MTERF3: variants seen among roughly 807,000 people sequenced by gnomAD.
MTERF3 encodes the protein transcription termination factor 3, mitochondrial.
MTERF3 carries 40 observed loss-of-function variants against 40.5 expected under a neutral mutation model. That is an observed-to-expected ratio of 0.99 (90% CI 0.77 to 1.29). The LOEUF is 1.29. MTERF3 is among the 50% of genes most tolerant of loss of function. The pLI is 0.00. For synonymous variants in MTERF3, 158 were observed against 166.6 expected, an observed-to-expected ratio of 0.95 and a Z score of 0.40; for missense variants, 452 against 478.2, an observed-to-expected ratio of 0.95 and a Z score of 0.51.
At chr8:96,250,677 GAA>G (rs1586169066) in intron 4 of MTERF3, among the ~76,000 whole-genome samples, 4 of 53,012 alleles carry the variant, frequency 7.5e-5, no homozygotes, top group African/African-American at 2.4e-4. Context: ...AGAAGAAGAA[GAA>G]GAAGGAGGAG....
intron 3 of MTERF3, among the ~76,000 whole-genome samples, chr8:96,256,356 C>T (rs548466194): frequency 9.2e-5 from 14 of 152,258 alleles, no homozygotes; most frequent in Admixed American, 5.9e-4. Context: ...AAATGAAATA[C>T]ATCATCTGAT....
At chr8:96,250,539 CATCTCTCCTAAA>C (rs1810118390) in intron 4 of MTERF3, among the ~76,000 whole-genome samples, 1 of 141,510 alleles carries the variant, frequency 7.1e-6, no homozygotes, top group South Asian at 2.2e-4. Flanking sequence ...GGCGAAACCC[CATCTCTCCTAAA>C]AATACAAAAA....
chr8:96,258,955 A>G (rs1810332404), intron 1 of MTERF3, among the ~76,000 whole-genome samples: 1 of 152,208 alleles, frequency 6.6e-6, no homozygotes, highest in Non-Finnish European at 1.5e-5. Context: ...ACAATTTAAA[A>G]ACAAAATGCA....
At chr8:96,259,913 A>ATTTTTTTT (rs962074104) in intron 1 of MTERF3, among the ~76,000 whole-genome samples, 82 of 150,474 alleles carry the variant, frequency 5.4e-4, no homozygotes, top group African/African-American at 1.9e-3. Context: ...TATTATTATT[A>ATTTTTTTT]TTTTTTTTGA....
At chr8:96,254,706 T>C (rs367993548) in intron 3 of MTERF3, among the ~76,000 whole-genome samples, 28 of 152,352 alleles carry the variant, frequency 1.8e-4, no homozygotes, top group African/African-American at 6.5e-4. Context: ...GTGGGACTTA[T>C]CACTTTGCTC....
chr8:96,258,827 T>C (rs769600901), intron 1 of MTERF3, 127 bp from the exon 2 acceptor site: 15 of 704,046 alleles, frequency 2.1e-5, no homozygotes, highest in Non-Finnish European at 3.3e-5. Context: ...TGTTTAAATA[T>C]ATATTTAGTC....
intron 3 of MTERF3, among the ~76,000 whole-genome samples, chr8:96,253,332 T>C (rs1170721845): frequency 6.6e-6 from 1 of 152,126 alleles, no homozygotes; most frequent in East Asian, 1.9e-4. Flanking sequence ...TCAAGAGTGC[T>C]GTTGTCATGG....
chr8:96,250,259 A>G (rs1439818508), intron 4 of MTERF3, among the ~76,000 whole-genome samples: 1 of 152,096 alleles, frequency 6.6e-6, no homozygotes, highest in Non-Finnish European at 1.5e-5. Context: ...TGGCCAGACA[A>G]AAACTACAAA....
At position 96,251,021 on chromosome 8, in the gene MTERF3, T is replaced by A; in HGVS notation, c.562A>T (p.Ile188Phe). The change falls in exon 4 of 8, where the codon ATT (isoleucine) becomes TTT (phenylalanine). Residue 188 changes from isoleucine (I) to phenylalanine (F), a missense_variant. Physicochemically the swap from Ile to Phe is conservative, Grantham distance 21. Coordinates refer to ENST00000287025, the MANE Select transcript of MTERF3 (RefSeq NM_015942.5). ...TTAAGAAACAGAAGCATTTGCTTAA[T>A]GTCTTTTTCAAAATCCAGTCTCAGA... Reference protein sequence around the residue: ...LLLRLDFEKDIKQMLLFLKDV... With the variant: ...LLLRLDFEKDFKQMLLFLKDV... 1 of 1,605,694 alleles carries A rather than the reference T, an allele frequency of 6.2e-7. No individual in the cohort carries two copies. Among genetic ancestry groups the A allele is most frequent in the East Asian group, 2.2e-5 (1 of 44,556 alleles).
At chr8:96,259,963 G>A (rs1312438722) in intron 1 of MTERF3, among the ~76,000 whole-genome samples, 1 of 151,614 alleles carries the variant, frequency 6.6e-6, no homozygotes, top group African/African-American at 2.4e-5. Flanking sequence ...GGAGTACAAC[G>A]GCACCATCTT....
intron 4 of MTERF3, among the ~76,000 whole-genome samples, chr8:96,247,221 C>T (rs1810037918): frequency 6.6e-6 from 1 of 152,144 alleles, no homozygotes; most frequent in Non-Finnish European, 1.5e-5. Context: ...GATCCGCCCA[C>T]CTCAGCCTCC....
At chr8:96,243,894 C>G (rs1809973125) in intron 7 of MTERF3, 25 bp downstream of exon 7, 17 of 1,610,402 alleles carry the variant, frequency 1.1e-5, no homozygotes, top group Non-Finnish European at 1.2e-5. Flanking sequence ...GCAGCGCTTA[C>G]AGAGAGAGCT....
rs146216177 is a variant in MTERF3 at position 96,248,103 on chromosome 8, A to G, written c.678-1649T>C. ...CTGTAAGGATAACAGGGAAGCTGGCACTTCTGTACACTGTTGGGGAGAGTA... is the reference window on the plus strand; with the variant it reads ...CTGTAAGGATAACAGGGAAGCTGGCGCTTCTGTACACTGTTGGGGAGAGTA... On this transcript the variant is annotated intron_variant, in intron 4 of 7. Coordinates refer to ENST00000287025, the MANE Select transcript of MTERF3 (RefSeq NM_015942.5). Among the ~76,000 whole-genome samples the G allele has an allele frequency of 2.2e-4, 33 of 152,362 alleles. No homozygotes were observed. The East Asian group carries it at 6.2e-3, about 29-fold the overall frequency.
chr8:96,258,507 T>C lies in MTERF3; in HGVS notation c.184A>G (p.Arg62Gly), dbSNP rs1563553234. ...CFLQWGFKTY[R>G]TSSLWNSSQS... ...GAACTATTCCATAAGGAGGAAGTCC[T>C]GTAAGTCTTAAATCCCCACTGGAGA... The change falls in exon 2 of 8, where the codon AGG becomes GGG. Residue 62 changes from arginine (R) to glycine (G), a missense_variant. Coordinates refer to ENST00000287025, the MANE Select transcript of MTERF3 (RefSeq NM_015942.5). 1.2e-6 allele frequency: 2 copies of C among 1,614,186 alleles called. No homozygotes were observed. The highest frequency in any genetic ancestry group is 1.1e-5 in the South Asian group (1 of 91,082).
chr8:96,248,674 T>C (rs186311618), intron 4 of MTERF3, among the ~76,000 whole-genome samples: 50 of 152,282 alleles, frequency 3.3e-4, no homozygotes, highest in Admixed American at 3.1e-3. Flanking sequence ...ATTGTCTACA[T>C]TGTAATGATT....
In MTERF3 at chr8:96,258,633, G is replaced by A. The variant is rs138131302; in HGVS notation, c.58C>T (p.Leu20Phe). ...TTTGTGAGTTGTGCAGCATTAATGAGGCTCCTCAACTTAACTGAGTTAAAC... is the reference window on the plus strand; with the variant it reads ...TTTGTGAGTTGTGCAGCATTAATGAAGCTCCTCAACTTAACTGAGTTAAAC... ...RWFNSVKLRSLINAAQLTKRF... is the reference protein window; with the variant it reads ...RWFNSVKLRSFINAAQLTKRF... The change falls in exon 2 of 8, where the codon CTC (leucine) becomes TTC (phenylalanine). Residue 20 changes from leucine to phenylalanine, a missense_variant. By Grantham distance (22) the Leu-to-Phe change is conservative. Transcript: ENST00000287025. 2.0e-4 allele frequency: 326 copies of A among 1,613,804 alleles called. No homozygotes were observed. The highest frequency in any genetic ancestry group is 2.6e-4 in the Non-Finnish European group (310 of 1,179,850).
intron 3 of MTERF3, among the ~76,000 whole-genome samples, chr8:96,251,513 TA>T (rs1810184853): frequency 6.6e-6 from 1 of 152,260 alleles, no homozygotes; most frequent in Non-Finnish European, 1.5e-5. Flanking sequence ...TCCTTAGTTA[TA>T]AGCATTATTT....
rs142524037 is a variant in MTERF3 at position 96,239,635 on chromosome 8, G to A, written c.1110C>T (p.Thr370=). 4.4e-6 allele frequency: 7 copies of A among 1,606,508 alleles called. No individual in the cohort carries two copies. The highest frequency in any genetic ancestry group is 5.9e-6 in the Non-Finnish European group (7 of 1,178,350). Residue 370 remains threonine (T), a synonymous_variant, in exon 8 of 8, where the codon ACC becomes ACT. Coordinates refer to ENST00000287025, the MANE Select transcript of MTERF3 (RefSeq NM_015942.5). Reference sequence around the variant, plus strand: ...GATCATACTGTGCTCTTCCTAAATAGGTAAGAAACAAGTGTCTTTCTTTGA... The same window carrying A: ...GATCATACTGTGCTCTTCCTAAATAAGTAAGAAACAAGTGTCTTTCTTTGA... ...FKVKERHLFL[T]YLGRAQYDPA... is the part of the protein sequence containing the mutation.
At chr8:96,250,374 G>A (rs919990770) in intron 4 of MTERF3, among the ~76,000 whole-genome samples, 7 of 144,428 alleles carry the variant, frequency 4.8e-5, no homozygotes, top group African/African-American at 1.5e-4. Flanking sequence ...TTTCTAAAGA[G>A]AAAGAGTTAA....
Sources: allele counts gnomAD v4.1 joint callset (sites outside exome capture counted in the v4.1 genomes callset), GRCh38; gene constraint gnomAD v4.1.1; transcripts MANE v1.5; gene names NCBI Gene and HGNC (gene_info 2026-07-23, HGNC 2026-07-21).